CSMD1: variants seen among roughly 807,000 people sequenced by gnomAD.
CSMD1 encodes the protein CUB and sushi domain-containing protein 1.
CSMD1 carries 213 observed loss-of-function variants against 417.5 expected under a neutral mutation model. The observed-to-expected ratio is 0.51, with a 90% confidence interval of 0.46 to 0.57. The LOEUF (loss-of-function observed/expected upper bound fraction) is 0.57. Ranked by LOEUF, CSMD1 falls within the 20% of genes least tolerant of loss-of-function variation. The pLI, the probability that CSMD1 is intolerant of heterozygous loss-of-function variation, is 0.00. For missense variants in CSMD1, 6,923 were observed against 4,529.7 expected, an observed-to-expected ratio of 1.53 and a Z score of -15.17; for synonymous variants, 2,862 against 1,736.8, an observed-to-expected ratio of 1.65 and a Z score of -16.11.
Position 4,904,176 on chromosome 8 carries a change from C to A in CSMD1, c.85+90156G>T, listed in dbSNP as rs114728840. ...GGCAGGTGTTCTACCTTCTTCAAAT[C>A]TCTGAACTCTGGTCATAACATGATG... is the stretch of plus-strand genomic sequence containing the variant. On this transcript the variant is annotated intron_variant, in intron 1 of 69. Transcript: ENST00000635120. Among the ~76,000 whole-genome samples the A allele has an allele frequency of 6.2e-3, 936 of 152,192 alleles. 12 individuals are homozygous for A. Among genetic ancestry groups the A allele is most frequent in the African/African-American group, 0.022 (905 of 41,514 alleles).
At chr8:4,739,803 C>T (rs915032378) in intron 1 of CSMD1, among the ~76,000 whole-genome samples, 35 of 152,276 alleles carry the variant, frequency 2.3e-4, no homozygotes, top group African/African-American at 6.7e-4. Flanking sequence ...TTACCTGCTG[C>T]AACAGCCTCC....
chr8:3,393,671 G>A (rs1282257952), intron 17 of CSMD1, among the ~76,000 whole-genome samples: 1 of 151,900 alleles, frequency 6.6e-6, no homozygotes, highest in East Asian at 1.9e-4. Context: ...AAAAATTGAT[G>A]AGTTCATGTC....
chr8:4,453,825 T>G (rs1468040959), intron 2 of CSMD1, among the ~76,000 whole-genome samples: 4 of 129,922 alleles, frequency 3.1e-5, no homozygotes, highest in African/African-American at 5.8e-5. Flanking sequence ...TTTTTTTTTT[T>G]TTTTTTTTTT....
At chr8:4,375,689 G>C (rs1802689325) in intron 3 of CSMD1, among the ~76,000 whole-genome samples, 1 of 152,024 alleles carries the variant, frequency 6.6e-6, no homozygotes, top group Admixed American at 6.6e-5. Flanking sequence ...GAGTGAGAGG[G>C]GTAATTAAAG....
chr8:3,101,799 C>CAT (rs1815770956), intron 46 of CSMD1, among the ~76,000 whole-genome samples: 1 of 106,358 alleles, frequency 9.4e-6, no homozygotes, highest in South Asian at 3.6e-4. Context: ...CTTTCTTTTT[C>CAT]TTTTTTTTTT....
In CSMD1 at chr8:3,047,868, A is replaced by T. The variant is rs371516684; in HGVS notation, c.7660+4594T>A. Among the ~76,000 whole-genome samples the T allele has an allele frequency of 1.1e-3, 173 of 152,320 alleles. 1 individual carries two copies. Among genetic ancestry groups the T allele is most frequent in the African/African-American group, 3.7e-3 (154 of 41,564 alleles). On this transcript the variant is annotated intron_variant, in intron 50 of 69. Transcript: ENST00000635120. ...CAGCTATGTGTGGCCTTTACACAGA[A>T]ATATGGCTCATAGGGACATAAAAAG... is the stretch of plus-strand genomic sequence containing the variant.
chr8:4,563,554 T>C (rs1798447732), intron 2 of CSMD1, among the ~76,000 whole-genome samples: 1 of 152,158 alleles, frequency 6.6e-6, no homozygotes, highest in African/African-American at 2.4e-5. Flanking sequence ...ACATCCTCAC[T>C]CCAACTGTAG....
At chr8:4,227,759 C>G (rs960194121) in intron 3 of CSMD1, among the ~76,000 whole-genome samples, 2 of 150,314 alleles carry the variant, frequency 1.3e-5, no homozygotes, top group Non-Finnish European at 3.0e-5. Context: ...ACCCTCCATC[C>G]TGCATTCAAT....
chr8:4,555,623 T>A (rs1349256719), intron 2 of CSMD1, among the ~76,000 whole-genome samples: 2 of 152,196 alleles, frequency 1.3e-5, no homozygotes, highest in Non-Finnish European at 2.9e-5. Context: ...ATGGAGTGTT[T>A]TAATTCTTCA....
intron 1 of CSMD1, among the ~76,000 whole-genome samples, chr8:4,865,436 T>C (rs1260287052): frequency 6.6e-6 from 1 of 151,914 alleles, no homozygotes. Context: ...TGTCATTTTC[T>C]TTCTGCCTAT....
intron 5 of CSMD1, among the ~76,000 whole-genome samples, chr8:3,791,172 G>A (rs916700315): frequency 2.0e-5 from 3 of 152,150 alleles, no homozygotes; most frequent in African/African-American, 7.2e-5. Flanking sequence ...TTATATTTTA[G>A]GAGCATTTAG....
chr8:3,014,051 T>C (rs74666975), intron 52 of CSMD1, among the ~76,000 whole-genome samples: 2,342 of 152,286 alleles, frequency 0.015, 20 homozygotes, highest in East Asian at 0.038. Flanking sequence ...AATTATTTTA[T>C]TTCTACTCTG....
At chr8:4,530,471 T>A (rs991381350) in intron 2 of CSMD1, among the ~76,000 whole-genome samples, 3 of 151,670 alleles carry the variant, frequency 2.0e-5, no homozygotes, top group Non-Finnish European at 4.4e-5. Flanking sequence ...ATTAGGTATT[T>A]GTCCTAACAC....
At chr8:4,848,071 G>C (rs1385817679) in intron 1 of CSMD1, among the ~76,000 whole-genome samples, 2 of 152,154 alleles carry the variant, frequency 1.3e-5, no homozygotes, top group Admixed American at 6.5e-5. Flanking sequence ...TGGAGTCATA[G>C]ACATGCTGTA....
At chr8:4,167,616 G>A (rs900098491) in intron 3 of CSMD1, among the ~76,000 whole-genome samples, 2 of 152,110 alleles carry the variant, frequency 1.3e-5, no homozygotes, top group African/African-American at 4.8e-5. Flanking sequence ...AAGGATATGT[G>A]GGGGACAGAT....
At chr8:3,363,876 A>C (rs900339251) in intron 20 of CSMD1, among the ~76,000 whole-genome samples, 1 of 152,296 alleles carries the variant, frequency 6.6e-6, no homozygotes, top group East Asian at 1.9e-4. Context: ...GTAGCAGACA[A>C]TGTTATGTAG....
At chr8:4,756,017 G>A (rs966525443) in intron 1 of CSMD1, among the ~76,000 whole-genome samples, 2 of 152,122 alleles carry the variant, frequency 1.3e-5, no homozygotes, top group Non-Finnish European at 2.9e-5. Flanking sequence ...TAAGTCATTT[G>A]CTAATTGTTT....
chr8:3,247,984 T>C (rs1426453733), intron 26 of CSMD1, among the ~76,000 whole-genome samples: 1 of 152,148 alleles, frequency 6.6e-6, no homozygotes, highest in Non-Finnish European at 1.5e-5. Flanking sequence ...GGTCGCCAAT[T>C]GTTTACTTTC....
At chr8:4,336,802 A>G (rs577859241) in intron 3 of CSMD1, among the ~76,000 whole-genome samples, 16 of 152,226 alleles carry the variant, frequency 1.1e-4, no homozygotes, top group Middle Eastern at 6.8e-3. Flanking sequence ...CCTGGATGAA[A>G]GGCAGGCTCT....
Sources: gnomAD v4.1 joint callset for allele counts (sites outside exome capture counted in the v4.1 genomes callset) on GRCh38, gnomAD v4.1.1 for gene constraint, MANE v1.5 for transcripts, NCBI Gene and HGNC (gene_info 2026-07-23, HGNC 2026-07-21) for gene names.